ANKIB1: variants seen among roughly 807,000 people sequenced by gnomAD.
ANKIB1 encodes ankyrin repeat and IBR domain-containing protein 1.
A neutral mutation model predicts 122.1 loss-of-function variants in ANKIB1; 43 were observed. The ratio of observed to expected loss-of-function variants is 0.35; its 90% CI spans 0.28 to 0.45. The LOEUF (loss-of-function observed/expected upper bound fraction) is 0.45, where lower values mean the gene tolerates loss of function less well. Ranked by LOEUF, ANKIB1 falls within the 20% of genes least tolerant of loss-of-function variation. ANKIB1 has a pLI of 1.00. For synonymous variants in ANKIB1, 390 were observed against 442.0 expected (o/e 0.88, Z 1.48); for missense variants, 992 against 1,329.5 (o/e 0.75, Z 3.95).
intron 5 of ANKIB1, among the ~76,000 whole-genome samples, chr7:92,338,928 AAAAAAATATATATAT>A (rs1216159430): frequency 2.3e-4 from 10 of 42,884 alleles, no homozygotes; most frequent in African/African-American, 4.7e-4. Flanking sequence ...AAAAAAAAAA[AAAAAAATATATATAT>A]ATATATATAT....
chr7:92,399,287 C>A lies in ANKIB1; in HGVS notation c.*338C>A. On this transcript the variant is annotated 3_prime_UTR_variant, in exon 20 of 20. Transcript: ENST00000265742. ...TAGGCTTGACAATACTTAAATTGAA[C>A]ATTTAAACTAAAGGCTTACTCCCTA... 6.1e-6 allele frequency: 1 copy of A among 162,960 alleles called. No individual in the cohort carries two copies. The highest frequency in any genetic ancestry group is 6.4e-5 in the Admixed American group (1 of 15,522). 10.1% of individuals were successfully genotyped at this position (162,960 alleles called of 1,614,324 possible).
At chr7:92,279,301 G>A (rs976772884) in intron 1 of ANKIB1, among the ~76,000 whole-genome samples, 4 of 152,202 alleles carry the variant, frequency 2.6e-5, no homozygotes, top group Non-Finnish European at 4.4e-5. Flanking sequence ...AGGGAGTCCA[G>A]AATCCAGTCT....
At position 92,246,400 on chromosome 7, in the gene ANKIB1, G is replaced by T. The variant is rs935451556; in HGVS notation, c.-210G>T. 4.0e-6 allele frequency: 2 copies of T among 503,276 alleles called. No individual in the cohort carries two copies. Among genetic ancestry groups the T allele is most frequent in the African/African-American group, 3.9e-5 (2 of 51,748 alleles). 31.2% of individuals were successfully genotyped at this position (503,276 alleles called of 1,614,324 possible). A position where few individuals can be genotyped will look rare whatever the true frequency, so the allele number is the denominator to read the frequency against. On this transcript the variant is annotated 5_prime_UTR_variant, in exon 1 of 20. Transcript: ENST00000265742. ...CGGCGAGGAAGGGGCAACCGTCCGG[G>T]TGGGTGGGGCGGGCTGGGTACCTGA...
intron 11 of ANKIB1, among the ~76,000 whole-genome samples, chr7:92,378,453 T>C (rs929143667): frequency 4.0e-5 from 6 of 150,768 alleles, no homozygotes; most frequent in African/African-American, 1.2e-4. Flanking sequence ...ATTACATATT[T>C]TCTATAGCTG....
chr7:92,323,904 C>A (rs1420371909), intron 4 of ANKIB1, among the ~76,000 whole-genome samples: 1 of 152,142 alleles, frequency 6.6e-6, no homozygotes, highest in Non-Finnish European at 1.5e-5. Flanking sequence ...AGATAAAAGC[C>A]ATAGAAACAG....
intron 16 of ANKIB1, among the ~76,000 whole-genome samples, chr7:92,391,813 A>G (rs1427097193): frequency 1.3e-5 from 2 of 152,072 alleles, no homozygotes; most frequent in Admixed American, 6.5e-5. Context: ...ACTAAAGATC[A>G]GTTGAGTTGT....
chr7:92,340,599 A>G (rs1307128839), intron 5 of ANKIB1, among the ~76,000 whole-genome samples: 1 of 151,026 alleles, frequency 6.6e-6, no homozygotes, highest in African/African-American at 2.4e-5. Flanking sequence ...GGACAGAGAA[A>G]AACCTCTGAG....
chr7:92,302,852 G>A (rs577745309), intron 2 of ANKIB1, among the ~76,000 whole-genome samples: 1 of 152,052 alleles, frequency 6.6e-6, no homozygotes, highest in Non-Finnish European at 1.5e-5. Flanking sequence ...TGCAAACCCC[G>A]TAGGGCAGGG....
At position 92,314,009 on chromosome 7, in the gene ANKIB1, A is replaced by AT. The variant is rs1802743182; in HGVS notation, c.487-5315dup. Among the ~76,000 whole-genome samples the AT allele has an allele frequency of 2.0e-5, 3 of 152,218 alleles. No individual in the cohort carries two copies. In the South Asian group the frequency reaches 6.2e-4, roughly 32 times the overall value. ...TTTAGAGAAAATTGAGCCATTGAAA[A>AT]TTTTTTGGCCAAGTGCAGTGGCTCA... On this transcript the variant is annotated intron_variant, in intron 3 of 19. Transcript: ENST00000265742.
At chr7:92,377,727 C>G (rs1411888609) in intron 11 of ANKIB1, among the ~76,000 whole-genome samples, 1 of 152,098 alleles carries the variant, frequency 6.6e-6, no homozygotes, top group Non-Finnish European at 1.5e-5. Flanking sequence ...AGTGGATTGG[C>G]TTTCTAAGAA....
intron 5 of ANKIB1, among the ~76,000 whole-genome samples, chr7:92,341,411 G>T (rs1288402373): frequency 6.6e-6 from 1 of 151,666 alleles, no homozygotes; most frequent in Non-Finnish European, 1.5e-5. Context: ...CTCATTCCAG[G>T]GAATTTATAC....
chr7:92,280,904 A>T (rs915446288), intron 1 of ANKIB1, among the ~76,000 whole-genome samples: 3 of 152,182 alleles, frequency 2.0e-5, no homozygotes, highest in Admixed American at 6.5e-5. Flanking sequence ...TTTTAGTGAG[A>T]TGGTCTGGTA....
intron 1 of ANKIB1, among the ~76,000 whole-genome samples, chr7:92,269,390 T>C (rs1274452819): frequency 1.3e-5 from 2 of 152,188 alleles, no homozygotes; most frequent in African/African-American, 4.8e-5. Context: ...AATGTCTTTG[T>C]ATTATGTTGT....
In ANKIB1 at chr7:92,397,862, A is replaced by T; in HGVS notation, c.2532+3A>T. On this transcript the variant is annotated splice_donor_region_variant and intron_variant, in intron 19 of 19. Coordinates refer to ENST00000265742, the MANE Select transcript of ANKIB1 (RefSeq NM_019004.2). ...CTGAAAACCAGGACTCTCTTCAGGT[A>T]GCCTTTCTGAACAGCCTCATTGCCT... is the stretch of plus-strand genomic sequence containing the variant. 6.2e-7 allele frequency: 1 copy of T among 1,606,650 alleles called. No individual in the cohort carries two copies. The highest frequency in any genetic ancestry group is 8.5e-7 in the Non-Finnish European group (1 of 1,178,050).
intron 1 of ANKIB1, among the ~76,000 whole-genome samples, chr7:92,284,506 A>G (rs1337939152): frequency 6.6e-6 from 1 of 152,186 alleles, no homozygotes; most frequent in Admixed American, 6.5e-5. Flanking sequence ...CTAAATCTTT[A>G]TGGACTTAAA....
At chr7:92,394,944 A>G (rs1335782219) in intron 17 of ANKIB1, among the ~76,000 whole-genome samples, 1 of 152,218 alleles carries the variant, frequency 6.6e-6, no homozygotes, top group African/African-American at 2.4e-5. Context: ...TTGTGATCCA[A>G]AATTTGTCTT....
rs571623133 is a variant in ANKIB1, at chr7:92,344,126, C to T, written c.997-852C>T. Among the ~76,000 whole-genome samples the T allele has an allele frequency of 7.6e-5, 11 of 144,716 alleles. No individual in the cohort carries two copies. In the South Asian group the frequency reaches 8.7e-4, roughly 11 times the overall value. 94.9% of individuals were successfully genotyped at this position (144,716 alleles called of 152,430 possible). A position where few individuals can be genotyped will look rare whatever the true frequency, so the allele number is the denominator to read the frequency against. The stretch of plus-strand genomic sequence containing the variant: ...TAGGTAGGCGCAAAAGTGATTGCAG[C>T]TTTTGCTATTAAAATGGCATAGTTT... On this transcript the variant is annotated intron_variant, in intron 6 of 19. Coordinates refer to ENST00000265742, the MANE Select transcript of ANKIB1 (RefSeq NM_019004.2).
intron 5 of ANKIB1, among the ~76,000 whole-genome samples, chr7:92,338,066 G>A (rs189266812): frequency 1.1e-3 from 170 of 152,106 alleles, no homozygotes; most frequent in Admixed American, 7.5e-3. Context: ...CAAGAAATAG[G>A]AAATAGAAGG....
chr7:92,302,503 T>G (rs1241025237), intron 2 of ANKIB1, among the ~76,000 whole-genome samples: 1 of 152,194 alleles, frequency 6.6e-6, no homozygotes. Context: ...ACACTGCCTC[T>G]TTTGTGGGAA....
Sources: gnomAD v4.1 joint callset for allele counts (sites outside exome capture counted in the v4.1 genomes callset) on GRCh38, gnomAD v4.1.1 for gene constraint, MANE v1.5 for transcripts, NCBI Gene and HGNC (gene_info 2026-07-23, HGNC 2026-07-21) for gene names.